ZMYND11: variants seen among roughly 807,000 people sequenced by gnomAD.
The protein encoded by ZMYND11 is zinc finger MYND-type containing 11, also known as zinc finger MYND domain-containing protein 11.
ZMYND11 carries 9 observed loss-of-function variants against 84.9 expected under a neutral mutation model. The ratio of observed to expected loss-of-function variants is 0.11; its 90% CI spans 0.06 to 0.18. The LOEUF (loss-of-function observed/expected upper bound fraction) is 0.18. Ranked by LOEUF, ZMYND11 falls within the 10% of genes least tolerant of loss-of-function variation. ZMYND11 has a pLI of 1.00. For missense variants in ZMYND11, 409 were observed against 761.0 expected (o/e 0.54, Z 5.44); for synonymous variants, 250 against 244.1 (o/e 1.02, Z -0.23).
intron 2 of ZMYND11, among the ~76,000 whole-genome samples, chr10:197,148 ATGTG>A (rs1439214698): frequency 4.0e-5 from 6 of 150,392 alleles, no homozygotes; most frequent in African/African-American, 7.4e-5. Flanking sequence ...GTATTCATGT[ATGTG>A]TATCAATACA....
At chr10:138,271 G>C (rs1263971555) in intron 1 of ZMYND11, among the ~76,000 whole-genome samples, 2 of 146,432 alleles carry the variant, frequency 1.4e-5, no homozygotes, top group African/African-American at 5.0e-5. Context: ...CACCACACCT[G>C]GATAATTTTT....
chr10:182,436 T>C (rs1848076634), intron 2 of ZMYND11, among the ~76,000 whole-genome samples: 1 of 152,212 alleles, frequency 6.6e-6, no homozygotes, highest in Admixed American at 6.5e-5. Flanking sequence ...GTCCATAGTT[T>C]TACAATTAAA....
At chr10:233,815 C>A (rs1180225675) in intron 4 of ZMYND11, among the ~76,000 whole-genome samples, 1 of 152,176 alleles carries the variant, frequency 6.6e-6, no homozygotes, top group Non-Finnish European at 1.5e-5. Flanking sequence ...AATTAAGGCA[C>A]TCAGCATGAA....
chr10:160,796 T>A (rs1346746904), intron 1 of ZMYND11, among the ~76,000 whole-genome samples: 4 of 152,138 alleles, frequency 2.6e-5, no homozygotes, highest in African/African-American at 7.2e-5. Flanking sequence ...AGCAATTCAG[T>A]TATATCTTCA....
At chr10:249,617 C>T (rs907063284) in intron 14 of ZMYND11, 1 of 985,374 alleles carries the variant, frequency 1.0e-6, no homozygotes, top group Non-Finnish European at 1.2e-6. Flanking sequence ...GTCATCGTGT[C>T]CTGCTCGCCA....
At chr10:213,480 A>G (rs1438627926) in intron 3 of ZMYND11, among the ~76,000 whole-genome samples, 2 of 152,256 alleles carry the variant, frequency 1.3e-5, no homozygotes, top group Non-Finnish European at 2.9e-5. Context: ...GTAGATGTAT[A>G]TGGCCTTAGG....
intron 2 of ZMYND11, among the ~76,000 whole-genome samples, chr10:206,322 T>G (rs1413847005): frequency 6.6e-6 from 1 of 152,220 alleles, no homozygotes; most frequent in Non-Finnish European, 1.5e-5. Flanking sequence ...ATCATGCCAC[T>G]GTGCTCCAGC....
chr10:227,358 A>G (rs945183905), intron 4 of ZMYND11, among the ~76,000 whole-genome samples: 19 of 152,220 alleles, frequency 1.2e-4, no homozygotes, highest in Non-Finnish European at 1.9e-4. Flanking sequence ...TCAGGAGTCT[A>G]TAGAAAGCAT....
Position 236,900 on chromosome 10 carries a change from C to T in ZMYND11, c.501C>T (p.Ser167=), listed in dbSNP as rs1950087678. ...GCACATACCTCAGATTCATTGTCTC[C>T]CGCATGAAGGAGAGGGTGAGTCCTG... ...EMGTYLRFIV[S]RMKERAIDLN... The change falls in exon 5 of 15, where the codon TCC becomes TCT. Residue 167 remains serine, a synonymous_variant. Transcript: ENST00000381604. 2 of 1,613,278 alleles carry T rather than the reference C, an allele frequency of 1.2e-6. No homozygotes were observed. The highest frequency in any genetic ancestry group is 1.7e-6 in the Non-Finnish European group (2 of 1,179,684).
chr10:242,252 A>AAC, intron 10 of ZMYND11, 113 bp downstream of exon 10: 2 of 1,477,960 alleles, frequency 1.4e-6, no homozygotes, highest in Non-Finnish European at 1.8e-6. Context: ...TGGAAAAAAA[A>AAC]AACACATTAT....
intron 13 of ZMYND11, 52 bp from the exon 14 acceptor site, chr10:248,851 G>T: frequency 1.3e-6 from 2 of 1,558,102 alleles, no homozygotes; most frequent in Admixed American, 2.0e-5. Context: ...CAGTGTAGAT[G>T]GTCTGTGTTA....
chr10:240,140 C>CTT, intron 8 of ZMYND11, 29 bp downstream of exon 8: 1 of 1,482,952 alleles, frequency 6.7e-7, no homozygotes. Context: ...TAGTTATACT[C>CTT]TTTCTATAAC....
chr10:163,547 A>G (rs2131531117), intron 1 of ZMYND11, among the ~76,000 whole-genome samples: 1 of 152,256 alleles, frequency 6.6e-6, no homozygotes, highest in South Asian at 2.1e-4. Context: ...GTTCCTGAAT[A>G]TTCCTACTTA....
In ZMYND11 at chr10:188,435, A is replaced by C. The variant is rs192464083; in HGVS notation, c.116+8307A>C. ...AGACCCCATCTCTACAAAAAAAAAA[A>C]CCACAAAATTAGCCGGGTGTGGTGG... is the stretch of plus-strand genomic sequence containing the variant. On this transcript the variant is annotated intron_variant, in intron 2 of 14. Coordinates refer to ENST00000381604, the MANE Select transcript of ZMYND11 (RefSeq NM_001370100.5). Among the ~76,000 whole-genome samples the C allele has an allele frequency of 8.3e-3, 1,263 of 151,536 alleles. 9 individuals carry two copies. The highest frequency in any genetic ancestry group is 0.021 in the African/African-American group (860 of 41,358).
chr10:152,499 CAAG>C (rs1564275665), intron 1 of ZMYND11, among the ~76,000 whole-genome samples: 1 of 152,152 alleles, frequency 6.6e-6, no homozygotes, highest in African/African-American at 2.4e-5. Flanking sequence ...ATCAATTCAA[CAAG>C]AAGAGCTAAC....
chr10:137,740 C>CT (rs1446375298), intron 1 of ZMYND11, among the ~76,000 whole-genome samples: 2 of 152,144 alleles, frequency 1.3e-5, no homozygotes, highest in Non-Finnish European at 2.9e-5. Flanking sequence ...TTGTCTTTGA[C>CT]TAACTGGCAC....
intron 3 of ZMYND11, among the ~76,000 whole-genome samples, chr10:211,756 G>A (rs1389278925): frequency 1.3e-5 from 2 of 152,186 alleles, no homozygotes; most frequent in African/African-American, 2.4e-5. Context: ...GAAAAGTTAA[G>A]TGGAAATCTT....
chr10:188,591 CAAAA>C (rs57541654), intron 2 of ZMYND11, among the ~76,000 whole-genome samples: 5 of 120,076 alleles, frequency 4.2e-5, no homozygotes, highest in Admixed American at 8.5e-5. Context: ...GACCCTGTCT[CAAAA>C]AAAAAAAAAA....
intron 1 of ZMYND11, among the ~76,000 whole-genome samples, chr10:164,667 G>C (rs903606133): frequency 6.6e-6 from 1 of 152,212 alleles, no homozygotes; most frequent in Non-Finnish European, 1.5e-5. Context: ...CCTAATTTCA[G>C]TGTGGTGGGG....
Sources: gnomAD v4.1 joint callset for allele counts (sites outside exome capture counted in the v4.1 genomes callset) on GRCh38, gnomAD v4.1.1 for gene constraint, MANE v1.5 for transcripts, NCBI Gene and HGNC (gene_info 2026-07-23, HGNC 2026-07-21) for gene names.